FLACC1: variants seen among roughly 807,000 people sequenced by gnomAD.
The protein encoded by FLACC1 is flagellum associated containing coiled-coil domains 1.
In FLACC1, 66 loss-of-function variants were observed where a neutral mutation model predicts 62.8. The ratio of observed to expected loss-of-function variants is 1.05; its 90% CI spans 0.86 to 1.29. The LOEUF (loss-of-function observed/expected upper bound fraction) is 1.29. Ranked by LOEUF, FLACC1 falls within the 50% of genes most tolerant of loss-of-function variation. FLACC1 has a pLI of 0.00. For synonymous variants in FLACC1, 156 were observed against 161.0 expected, an observed-to-expected ratio of 0.97 and a Z score of 0.24; for missense variants, 452 against 489.1, an observed-to-expected ratio of 0.92 and a Z score of 0.71.
At chr2:201,353,127 T>G (rs564284478) in intron 1 of FLACC1, among the ~76,000 whole-genome samples, 1 of 152,316 alleles carries the variant, frequency 6.6e-6, no homozygotes, top group East Asian at 1.9e-4. Context: ...TTTGGGAGTG[T>G]GGGTGAGAGA....
intron 9 of FLACC1, among the ~76,000 whole-genome samples, chr2:201,323,200 G>A (rs955777432): frequency 1.4e-4 from 21 of 152,158 alleles, no homozygotes; most frequent in South Asian, 2.1e-4. Context: ...CCTTTCTGGC[G>A]TGGCTAGAGA....
chr2:201,344,705 T>C (rs957909952), intron 5 of FLACC1, among the ~76,000 whole-genome samples: 2 of 152,050 alleles, frequency 1.3e-5, no homozygotes, highest in African/African-American at 4.8e-5. Context: ...ACTAAGAGGG[T>C]ATTTAAGAGA....
At chr2:201,355,884 A>T (rs1951108704) in intron 1 of FLACC1, among the ~76,000 whole-genome samples, 1 of 152,064 alleles carries the variant, frequency 6.6e-6, no homozygotes, top group Admixed American at 6.6e-5. Context: ...TAAATAAAAT[A>T]AAAATAAAGG....
At chr2:201,334,764 C>A (rs1377403189) in intron 7 of FLACC1, among the ~76,000 whole-genome samples, 5 of 128,054 alleles carry the variant, frequency 3.9e-5, no homozygotes, top group African/African-American at 1.2e-4. Context: ...GCCTGGGCAA[C>A]AAGAGTGAAA....
intron 10 of FLACC1, among the ~76,000 whole-genome samples, chr2:201,308,409 C>T (rs147789254): frequency 7.2e-5 from 11 of 152,228 alleles, no homozygotes; most frequent in Middle Eastern, 3.4e-3. Flanking sequence ...AGAGTGCCCA[C>T]CAGAATGTGA....
At chr2:201,356,264 G>A (rs146546404) in intron 1 of FLACC1, among the ~76,000 whole-genome samples, 14 of 152,256 alleles carry the variant, frequency 9.2e-5, no homozygotes, top group East Asian at 1.9e-4. Flanking sequence ...AGGTTCAAGC[G>A]ATTCTCCTGC....
intron 12 of FLACC1, among the ~76,000 whole-genome samples, chr2:201,291,451 C>G (rs1210696743): frequency 2.0e-5 from 3 of 152,248 alleles, no homozygotes; most frequent in Admixed American, 6.5e-5. Flanking sequence ...TCCAACAGAC[C>G]TGCAGCTGAG....
intron 9 of FLACC1, among the ~76,000 whole-genome samples, chr2:201,309,840 G>C (rs1261426246): frequency 7.0e-6 from 1 of 142,348 alleles, no homozygotes; most frequent in Non-Finnish European, 1.5e-5. Flanking sequence ...CTAGAAGGCA[G>C]AGGTTGCAGT....
At chr2:201,352,977 G>C (rs961984128) in intron 1 of FLACC1, among the ~76,000 whole-genome samples, 2 of 152,166 alleles carry the variant, frequency 1.3e-5, no homozygotes, top group Non-Finnish European at 2.9e-5. Context: ...TGGAGCCTCC[G>C]GAAGGAATGC....
At chr2:201,300,314 C>G (rs957136778) in intron 11 of FLACC1, among the ~76,000 whole-genome samples, 4 of 152,184 alleles carry the variant, frequency 2.6e-5, no homozygotes, top group African/African-American at 9.7e-5. Flanking sequence ...GCCCACGGAG[C>G]TTTGCTCACT....
At chr2:201,323,739 A>G (rs1435322792) in intron 9 of FLACC1, among the ~76,000 whole-genome samples, 1 of 139,496 alleles carries the variant, frequency 7.2e-6, no homozygotes, top group African/African-American at 2.6e-5. Context: ...GTGAGCCAAG[A>G]TTGCAACATT....
intron 9 of FLACC1, among the ~76,000 whole-genome samples, chr2:201,309,950 T>C (rs894704797): frequency 2.1e-5 from 3 of 144,948 alleles, no homozygotes; most frequent in South Asian, 2.2e-4. Context: ...AAATACCTAG[T>C]AGTTAATTTG....
chr2:201,303,927 T>A (rs1950045711), intron 11 of FLACC1, among the ~76,000 whole-genome samples: 1 of 152,152 alleles, frequency 6.6e-6, no homozygotes, highest in African/African-American at 2.4e-5. Context: ...ATGGGACGTA[T>A]CTCAAAATAA....
chr2:201,295,450 C>G (rs1949838046), intron 12 of FLACC1, among the ~76,000 whole-genome samples: 1 of 152,096 alleles, frequency 6.6e-6, no homozygotes, highest in Admixed American at 6.5e-5. Flanking sequence ...GGAAAACTGG[C>G]TAGTCATATG....
At position 201,351,626 on chromosome 2, in the gene FLACC1, A is replaced by G. The variant is rs964460444; in HGVS notation, c.-47-175T>C. Among the ~76,000 whole-genome samples the G allele has an allele frequency of 8.5e-5, 13 of 152,340 alleles. No individual in the cohort carries two copies. In the Middle Eastern group the frequency reaches 0.01, roughly 120 times the overall value. ...CAGCTCATCCCTTTCTACTCAGTAG[A>G]CTTGACTTGAAAGCAATTTAAACTT... On this transcript the variant is annotated intron_variant, in intron 1 of 14. Coordinates refer to ENST00000392257, the MANE Select transcript of FLACC1 (RefSeq NM_001127391.3).
intron 1 of FLACC1, 81 bp from the exon 2 acceptor site, chr2:201,351,532 G>A (rs759959669): frequency 2.3e-5 from 16 of 697,374 alleles, no homozygotes; most frequent in Admixed American, 1.6e-4. Context: ...AGAACCCAGG[G>A]AGGACCCAAA....
At chr2:201,359,929 C>T (rs1951170612), upstream of FLACC1, among the ~76,000 whole-genome samples, 1 of 136,712 alleles carries the variant, frequency 7.3e-6, no homozygotes. Context: ...TATTTAAATC[C>T]TTTCTTATGA....
intron 14 of FLACC1, 51 bp from the exon 15 acceptor site, chr2:201,288,832 G>T (rs750084856): frequency 6.9e-6 from 11 of 1,595,684 alleles, no homozygotes; most frequent in Middle Eastern, 1.8e-4. Flanking sequence ...AGCTAGAAAG[G>T]GTATAGGATA....
chr2:201,359,230 T>C (rs1034652600), upstream of FLACC1, among the ~76,000 whole-genome samples: 1 of 152,144 alleles, frequency 6.6e-6, no homozygotes, highest in Non-Finnish European at 1.5e-5. Context: ...TTTATTGAGA[T>C]AGGAAAGTGT....
Sources: allele counts gnomAD v4.1 joint callset (sites outside exome capture counted in the v4.1 genomes callset), GRCh38; gene constraint gnomAD v4.1.1; transcripts MANE v1.5; gene names NCBI Gene and HGNC (gene_info 2026-07-23, HGNC 2026-07-21).